The following STK36 variants were observed in gnomAD, a reference collection of about 807,000 sequenced individuals.
The protein encoded by STK36 is serine/threonine kinase 36, also known as serine/threonine-protein kinase 36.
Under a neutral mutation model 142.2 loss-of-function variants are expected in STK36, and 116 were observed. The observed-to-expected ratio is 0.82, with a 90% confidence interval of 0.70 to 0.95. The LOEUF is 0.95. Among genes scored for constraint, STK36 ranks in the 40% least tolerant of loss-of-function variants. The pLI is 0.00. For synonymous variants in STK36, 619 were observed against 641.7 expected (o/e 0.96, Z 0.53); for missense variants, 1,422 against 1,617.2 (o/e 0.88, Z 2.07).
intron 10 of STK36, 149 bp downstream of exon 10, chr2:218,680,851 G>T: frequency 3.3e-6 from 2 of 603,952 alleles, no homozygotes; most frequent in South Asian, 2.4e-5. Flanking sequence ...GATTTTAATT[G>T]TACAGTATCT....
At position 218,690,475 on chromosome 2, in the gene STK36, A is replaced by G. The variant is rs1940955978; in HGVS notation, c.1684A>G (p.Asn562Asp). 2 of 1,614,114 alleles carry G rather than the reference A, an allele frequency of 1.2e-6. No homozygotes were observed. Among genetic ancestry groups the G allele is most frequent in the South Asian group, 1.1e-5 (1 of 91,080 alleles). ...CCTGCAGGTGTTTCAGGAGGCTGCC[A>G]ACCTTTTTCTGGACCTGTTGGGGAA... ...DSLQVFQEAA[N>D]LFLDLLGKLL... Residue 562 changes from asparagine to aspartate, a missense_variant, in exon 14 of 27, where the codon AAC (asparagine) becomes GAC (aspartate). Asn to Asp is a conservative substitution (Grantham distance 23). Transcript: ENST00000295709.
At chr2:218,700,736 G>T (rs974610964) in intron 26 of STK36, among the ~76,000 whole-genome samples, 1 of 151,620 alleles carries the variant, frequency 6.6e-6, no homozygotes, top group Non-Finnish European at 1.5e-5. Context: ...AGTAGGCCAG[G>T]CTCTGTGGCT....
chr2:218,694,382 T>C lies in STK36; in HGVS notation c.2400+55T>C. On this transcript the variant is annotated intron_variant, in intron 20 of 26. Coordinates refer to ENST00000295709, the MANE Select transcript of STK36 (RefSeq NM_015690.5). The surrounding 1 kb of genome is among the most constrained non-coding windows in gnomAD (Gnocchi z 4.4). ...TTTTCACCCTAGCATCTACCCCTTG[T>C]GGAAGTGGGGGAGTCACTATCCAAT... is the stretch of plus-strand genomic sequence containing the variant. 6.4e-7 allele frequency: 1 copy of C among 1,559,776 alleles called. No individual in the cohort carries two copies.
At chr2:218,692,978 A>G (rs545638927) in intron 16 of STK36, among the ~76,000 whole-genome samples, 4 of 152,346 alleles carry the variant, frequency 2.6e-5, no homozygotes, top group African/African-American at 9.6e-5. Flanking sequence ...TGCTTCCTCA[A>G]GGGCTGAGAA....
rs774632015 is a variant in STK36 at position 218,694,661 on chromosome 2, A to T, written c.2511+26A>T. The T allele has an allele frequency of 6.3e-6, 10 of 1,597,282 alleles. No homozygotes were observed. Among genetic ancestry groups the T allele is most frequent in the Admixed American group, 1.7e-5 (1 of 59,946 alleles). ...GTGAGGCCCCCCAGGGAGGGCACAGACATGTTTTCTCTGAGTCAGACACTA... is the reference window on the plus strand; with the variant it reads ...GTGAGGCCCCCCAGGGAGGGCACAGTCATGTTTTCTCTGAGTCAGACACTA... On this transcript the variant is annotated intron_variant, in intron 21 of 26. Coordinates refer to ENST00000295709, the MANE Select transcript of STK36 (RefSeq NM_015690.5). This position sits in a 1 kb window ranked among gnomAD's most constrained non-coding sequence, Gnocchi z 4.4.
chr2:218,688,233 A>G (rs1032371426), intron 11 of STK36, among the ~76,000 whole-genome samples: 2 of 152,232 alleles, frequency 1.3e-5, no homozygotes, highest in Admixed American at 6.5e-5. Flanking sequence ...ATACAAATAA[A>G]TGTTAGGCTG....
rs746711401 is a variant in STK36 at position 218,694,537 on chromosome 2, T to A, written c.2413T>A (p.Cys805Ser). Residue 805 changes from cysteine (C) to serine (S), a missense_variant, in exon 21 of 27, where the codon TGT becomes AGT. Cys to Ser is a moderately radical substitution (Grantham distance 112). Coordinates refer to ENST00000295709, the MANE Select transcript of STK36 (RefSeq NM_015690.5). The surrounding 1 kb of genome is among the most constrained non-coding windows in gnomAD (Gnocchi z 4.4). ...HVVSLVSAAA[C>S]LLGQLGQQGV... is the part of the protein sequence containing the mutation. ...ACCTCTCCCACAGAGTGCAGCAGCC[T>A]GTCTATTGGGACAGCTTGGTCAGCA... 21 of 1,614,082 alleles carry A rather than the reference T, an allele frequency of 1.3e-5. No homozygotes were observed. The highest frequency in any genetic ancestry group is 1.8e-5 in the Non-Finnish European group (21 of 1,180,014).
chr2:218,674,253 G>T (rs1268218455), intron 4 of STK36, among the ~76,000 whole-genome samples: 1 of 152,178 alleles, frequency 6.6e-6, no homozygotes, highest in East Asian at 1.9e-4. Flanking sequence ...AATCATGTTT[G>T]CCTGATAAGT....
rs982316793 is a variant in STK36 at position 218,702,686 on chromosome 2, G to A, written c.*677G>A. 2 of 152,206 alleles carry A rather than the reference G, an allele frequency of 1.3e-5. No individual in the cohort carries two copies. The highest frequency in any genetic ancestry group is 2.9e-5 in the Non-Finnish European group (2 of 68,042). 9.4% of individuals were successfully genotyped at this position (152,206 alleles called of 1,614,324 possible). A position where few individuals can be genotyped will look rare whatever the true frequency, so the allele number is the denominator to read the frequency against. ...ACCCCTCTTTCAGCTTCTATGTGGT[G>A]TTGGAGGTGCTGGTATCGTGTTCAC... On this transcript the variant is annotated 3_prime_UTR_variant, in exon 27 of 27. Transcript: ENST00000295709.
At chr2:218,686,218 C>T (rs757189730) in intron 11 of STK36, among the ~76,000 whole-genome samples, 25 of 151,738 alleles carry the variant, frequency 1.6e-4, no homozygotes, top group Non-Finnish European at 2.9e-4. Context: ...GGATTACAGG[C>T]GTGAACCACC....
chr2:218,697,603 C>T lies in STK36; in HGVS notation c.2902C>T (p.Arg968Cys), dbSNP rs749881754. The part of the protein sequence containing the change: ...LLCPSFLNQL[R>C]QAPHGSEFLP... Reference sequence around the variant, plus strand: ...TTGCCCCAGCTTCCTGAATCAACTGCGCCAGGCGTGAGTTTGAGCTAGAAG... The same window carrying T: ...TTGCCCCAGCTTCCTGAATCAACTGTGCCAGGCGTGAGTTTGAGCTAGAAG... Residue 968 changes from arginine (R) to cysteine (C), a missense_variant, in exon 24 of 27, where the codon CGC becomes TGC. Physicochemically the swap from Arg to Cys is radical, Grantham distance 180. This residue lies in a region of STK36 where 962 missense variants were observed against 1,167.5 expected (regional missense o/e 0.82). Coordinates refer to ENST00000295709, the MANE Select transcript of STK36 (RefSeq NM_015690.5). 1.1e-4 allele frequency: 180 copies of T among 1,613,994 alleles called. 3 individuals carry two copies. The South Asian group carries it at 1.2e-3, about 11-fold the overall frequency.
chr2:218,692,224 C>T lies in STK36; in HGVS notation c.1846C>T (p.Gln616Ter). ...CTTTTACTCCAGCTTGCTGACGACA[C>T]AGCAGGTTGTCTTGGATGGGCTCCT... ...KAFYSSLLTT[Q>*]QVVLDGLLHG... Residue 616 changes from glutamine to a stop codon, truncating the protein, a stop_gained, in exon 15 of 27, where the codon CAG (glutamine) becomes TAG (stop). Coordinates refer to ENST00000295709, the MANE Select transcript of STK36 (RefSeq NM_015690.5). LOFTEE classifies it high-confidence loss of function. 1 of 1,614,236 alleles carries T rather than the reference C, an allele frequency of 6.2e-7. No individual in the cohort carries two copies. Among genetic ancestry groups the T allele is most frequent in the Non-Finnish European group, 8.5e-7 (1 of 1,180,050 alleles).
intron 6 of STK36, among the ~76,000 whole-genome samples, chr2:218,677,034 A>G (rs1940285274): frequency 6.6e-6 from 1 of 151,570 alleles, no homozygotes; most frequent in African/African-American, 2.4e-5. Context: ...CCCAGGTTCA[A>G]GCAATTCTTC....
chr2:218,693,654 G>A (rs965017753), intron 17 of STK36, 69 bp from the exon 18 acceptor site: 36 of 1,438,454 alleles, frequency 2.5e-5, no homozygotes, highest in East Asian at 1.1e-4. Context: ...CGGTGTTTCC[G>A]CTGAGCCTTC....
chr2:218,699,200 T>C lies in STK36; in HGVS notation c.3656T>C (p.Leu1219Ser). The C allele has an allele frequency of 6.2e-7, 1 of 1,614,044 alleles. No homozygotes were observed. The highest frequency in any genetic ancestry group is 8.5e-7 in the Non-Finnish European group (1 of 1,180,026). The change falls in exon 26 of 27, where the codon TTG (leucine) becomes TCG (serine). Residue 1219 changes from leucine to serine, a missense_variant. This residue lies in a region of STK36 where 962 missense variants were observed against 1,167.5 expected (regional missense o/e 0.82). Transcript: ENST00000295709. ...RRNVASALGN[L>S]GPEGLGEELL... ...AATGTTGCATCAGCTCTGGGCAACT[T>C]GGGACCTGAAGGTTTGGGAGAGGAG...
At chr2:218,690,682 T>C (rs1412787392) in intron 14 of STK36, 127 bp downstream of exon 14, 1 of 737,364 alleles carries the variant, frequency 1.4e-6, no homozygotes, top group African/African-American at 1.8e-5. Context: ...ATTCCCACCA[T>C]GCCATATGCC....
In STK36 at chr2:218,701,866, G is replaced by A; in HGVS notation, c.3805G>A (p.Val1269Ile). Residue 1269 changes from valine to isoleucine, a missense_variant and splice_region_variant, in exon 27 of 27, where the codon GTA becomes ATA. This residue lies in a region of STK36 where 962 missense variants were observed against 1,167.5 expected (regional missense o/e 0.82). Coordinates refer to ENST00000295709, the MANE Select transcript of STK36 (RefSeq NM_015690.5). ...SLQQEPGIHQ[V>I]LVSLGASEKL... is the part of the protein sequence containing the mutation. ...CTATCATCTGTTCTCTATCCTACAG[G>A]TACTGGTGTCCCTGGGTGCCAGTGA... The A allele has an allele frequency of 6.2e-7, 1 of 1,614,008 alleles. No homozygotes were observed. The highest frequency in any genetic ancestry group is 1.1e-5 in the South Asian group (1 of 91,070).
intron 11 of STK36, among the ~76,000 whole-genome samples, chr2:218,686,530 A>G (rs1671497887): frequency 6.6e-6 from 1 of 152,176 alleles, no homozygotes; most frequent in Non-Finnish European, 1.5e-5. Flanking sequence ...TGGCCTCCCA[A>G]AGTGCTAGGA....
In STK36 at chr2:218,680,956, G is replaced by A. The variant is rs75173494; in HGVS notation, c.1236+254G>A. Among the ~76,000 whole-genome samples the A allele has an allele frequency of 2.7e-3, 417 of 152,234 alleles. 7 individuals are homozygous for A. The highest frequency in any genetic ancestry group is 0.02 in the East Asian group (105 of 5,192). The stretch of plus-strand genomic sequence containing the variant: ...GTGACCAGTGTTATTAATTTAGTCC[G>A]TCTCCTCCCAAACTTTCTGTAATTT... On this transcript the variant is annotated intron_variant, in intron 10 of 26. Coordinates refer to ENST00000295709, the MANE Select transcript of STK36 (RefSeq NM_015690.5).
Sources: allele counts gnomAD v4.1 joint callset (sites outside exome capture counted in the v4.1 genomes callset), GRCh38; gene constraint gnomAD v4.1.1; regional missense constraint gnomAD v4.1.1; non-coding constraint Gnocchi (gnomAD v3.1); transcripts MANE v1.5; gene names NCBI Gene and HGNC (gene_info 2026-07-23, HGNC 2026-07-21).